The following PMM2 variants were observed in gnomAD, a reference collection of about 807,000 sequenced individuals.
PMM2 encodes phosphomannomutase 2, also known as mannose-6-phosphate isomerase.
Under a neutral mutation model 33.2 loss-of-function variants are expected in PMM2, and 35 were observed. That is an observed-to-expected ratio of 1.06 (90% CI 0.81 to 1.40). The LOEUF is 1.40. Ranked by LOEUF, PMM2 falls within the 40% of genes most tolerant of loss-of-function variation. The probability of loss-of-function intolerance (pLI) is 0.00; values close to 1 mark genes in which losing one functional copy is unlikely to be tolerated. For synonymous variants in PMM2, 153 were observed against 114.7 expected, an observed-to-expected ratio of 1.33 and a Z score of -2.13; for missense variants, 386 against 306.0, an observed-to-expected ratio of 1.26 and a Z score of -1.95.
At position 8,804,031 on chromosome 16, in the gene PMM2, G is replaced by GTTTTTTTTTT. The variant is rs752484926; in HGVS notation, c.179-725_179-716dup. On this transcript the variant is annotated intron_variant, in intron 2 of 7. Coordinates refer to ENST00000268261, the MANE Select transcript of PMM2 (RefSeq NM_000303.3). ...GTTTTTTGTTTTTTGGGTTTTTTTT[G>GTTTTTTTTTT]TTTTTTTTTTTTTTTTTTTTGACGT... Among the ~76,000 whole-genome samples, 521 of 87,372 alleles carry GTTTTTTTTTT rather than the reference G, an allele frequency of 6.0e-3. 10 individuals are homozygous for GTTTTTTTTTT. Among genetic ancestry groups the GTTTTTTTTTT allele is most frequent in the African/African-American group, 0.011 (248 of 21,904 alleles). 57.3% of individuals were successfully genotyped at this position (87,372 alleles called of 152,430 possible). A position where few individuals can be genotyped will look rare whatever the true frequency, so the allele number is the denominator to read the frequency against.
intron 7 of PMM2, among the ~76,000 whole-genome samples, chr16:8,837,609 T>G (rs1330426593): frequency 6.7e-6 from 1 of 149,864 alleles, no homozygotes; most frequent in African/African-American, 2.5e-5. Flanking sequence ...TATAAGAGAT[T>G]GGGGCGCAGA....
At chr16:8,839,318 C>T (rs1234011377) in intron 7 of PMM2, among the ~76,000 whole-genome samples, 2 of 151,812 alleles carry the variant, frequency 1.3e-5, no homozygotes, top group African/African-American at 2.4e-5. Context: ...TTGTGCGAGG[C>T]AAAACTGGAG....
intron 7 of PMM2, among the ~76,000 whole-genome samples, chr16:8,816,357 C>G (rs1167868962): frequency 6.6e-6 from 1 of 151,690 alleles, no homozygotes; most frequent in African/African-American, 2.4e-5. Flanking sequence ...AACTCATGAC[C>G]TGAAGTGATC....
chr16:8,817,029 C>G (rs1242922393), intron 7 of PMM2, among the ~76,000 whole-genome samples: 23 of 152,122 alleles, frequency 1.5e-4, no homozygotes, highest in Non-Finnish European at 1.5e-5. Flanking sequence ...AGCAATTGTC[C>G]CGCTTCAGCC....
At chr16:8,817,522 GA>G (rs1293822436) in intron 7 of PMM2, among the ~76,000 whole-genome samples, 2 of 152,218 alleles carry the variant, frequency 1.3e-5, no homozygotes, top group African/African-American at 4.8e-5. Context: ...GGACTTTGCA[GA>G]ATGGAATGCA....
intron 7 of PMM2, among the ~76,000 whole-genome samples, chr16:8,839,502 A>G (rs1293091880): frequency 6.6e-6 from 1 of 151,908 alleles, no homozygotes; most frequent in Non-Finnish European, 1.5e-5. Context: ...TCTACAAGCA[A>G]CCTTTCACTA....
rs201721768 is a variant in PMM2, at chr16:8,847,632, G to GT, written c.640-86dup. Reference sequence around the variant, plus strand: ...AACTCTCCCTGCCCAGTTAAATCTTGTTTTTTGGGTACTTTTGGACTCCAG... The same window carrying GT: ...AACTCTCCCTGCCCAGTTAAATCTTGTTTTTTTGGGTACTTTTGGACTCCAG... On this transcript the variant is annotated intron_variant, in intron 7 of 7. Transcript: ENST00000268261. 1,403 of 900,990 alleles carry GT rather than the reference G, an allele frequency of 1.6e-3. 15 individuals are homozygous for GT. In the African/African-American group the frequency reaches 0.02, roughly 13 times the overall value. The allele number at this position is 900,990 out of a possible 1,614,324, so 55.8% of individuals were successfully genotyped here. A position where few individuals can be genotyped will look rare whatever the true frequency, so the allele number is the denominator to read the frequency against.
chr16:8,827,282 A>C (rs1369878276), intron 7 of PMM2, among the ~76,000 whole-genome samples: 1 of 152,094 alleles, frequency 6.6e-6, no homozygotes, highest in Non-Finnish European at 1.5e-5. Context: ...AGACTGGGGA[A>C]ATAATTCAGT....
intron 7 of PMM2, among the ~76,000 whole-genome samples, chr16:8,821,692 G>C (rs2060740397): frequency 6.6e-6 from 1 of 152,230 alleles, no homozygotes; most frequent in Non-Finnish European, 1.5e-5. Context: ...ACTCGCCCTA[G>C]GGCCACTAGC....
intron 7 of PMM2, among the ~76,000 whole-genome samples, chr16:8,834,335 A>AT (rs1354295465): frequency 1.3e-5 from 2 of 152,074 alleles, no homozygotes; most frequent in East Asian, 3.8e-4. Context: ...TGCTTGGGTG[A>AT]TTTGACTAGT....
chr16:8,848,043 C>T lies in PMM2; in HGVS notation c.*218C>T, dbSNP rs888360921. 12 of 561,178 alleles carry T rather than the reference C, an allele frequency of 2.1e-5. No homozygotes were observed. The highest frequency in any genetic ancestry group is 3.9e-5 in the South Asian group (2 of 50,780). The allele number at this position is 561,178 out of a possible 1,614,324, so 34.8% of individuals were successfully genotyped here. ...TCAAGAATGGCCCAGAGGAATGCCT[C>T]GCACAAAAGGTCTTCCCCACCCACC... is the stretch of plus-strand genomic sequence containing the variant. On this transcript the variant is annotated 3_prime_UTR_variant, in exon 8 of 8. Transcript: ENST00000268261.
intron 7 of PMM2, among the ~76,000 whole-genome samples, chr16:8,828,953 G>A (rs895463352): frequency 1.4e-4 from 21 of 152,172 alleles, no homozygotes; most frequent in Non-Finnish European, 2.8e-4. Context: ...TGAGGCATGT[G>A]AGAGCTGGTT....
At chr16:8,834,034 A>C (rs147123531) in intron 7 of PMM2, among the ~76,000 whole-genome samples, 1 of 151,912 alleles carries the variant, frequency 6.6e-6, no homozygotes, top group African/African-American at 2.4e-5. Context: ...AGGGATGACA[A>C]GTTTTGGGGG....
At chr16:8,826,521 A>G (rs368755123) in intron 7 of PMM2, among the ~76,000 whole-genome samples, 1 of 152,240 alleles carries the variant, frequency 6.6e-6, no homozygotes, top group Non-Finnish European at 1.5e-5. Context: ...ACCTTAAAGC[A>G]TCCAGCAGAA....
At chr16:8,798,385 T>A (rs1455932629) in intron 1 of PMM2, among the ~76,000 whole-genome samples, 1 of 152,148 alleles carries the variant, frequency 6.6e-6, no homozygotes, top group African/African-American at 2.4e-5. Flanking sequence ...CATCTTCACC[T>A]CTTGACATCT....
intron 7 of PMM2, among the ~76,000 whole-genome samples, chr16:8,817,023 A>G (rs185573413): frequency 6.6e-5 from 10 of 152,234 alleles, no homozygotes; most frequent in East Asian, 1.9e-4. Flanking sequence ...AGTTCAAGCA[A>G]TTGTCCCGCT....
rs79537036 is a variant in PMM2 at position 8,817,093 on chromosome 16, G to A, written c.639+3987G>A. Among the ~76,000 whole-genome samples, 840 of 152,334 alleles carry A rather than the reference G, an allele frequency of 5.5e-3. 3 individuals carry two copies. The highest frequency in any genetic ancestry group is 9.1e-3 in the Non-Finnish European group (620 of 68,034). ...ACTACCACAGCTGGTGATACCTGCT[G>A]TTTAAATGAGTGTGCTTTCCACTAC... On this transcript the variant is annotated intron_variant, in intron 7 of 7. Transcript: ENST00000268261.
At chr16:8,821,193 G>A (rs2060737447) in intron 7 of PMM2, among the ~76,000 whole-genome samples, 1 of 152,156 alleles carries the variant, frequency 6.6e-6, no homozygotes, top group Admixed American at 6.5e-5. Flanking sequence ...CTCCTGGAGG[G>A]ACCCTGAGTG....
chr16:8,811,295 C>T, intron 5 of PMM2, 117 bp downstream of exon 5: 1 of 756,904 alleles, frequency 1.3e-6, no homozygotes, highest in South Asian at 1.5e-5. Context: ...GCAGGAGGAT[C>T]ACTTGAGCCC....
Sources: allele counts gnomAD v4.1 joint callset (sites outside exome capture counted in the v4.1 genomes callset), GRCh38; gene constraint gnomAD v4.1.1; transcripts MANE v1.5; gene names NCBI Gene and HGNC (gene_info 2026-07-23, HGNC 2026-07-21).